Variants in KRR1 observed in about 807,000 individuals in gnomAD.
KRR1 encodes KRR1 small subunit processome component, also known as KRR1 small subunit processome component homolog.
In KRR1, 23 loss-of-function variants were observed where a neutral mutation model predicts 50.0. The observed-to-expected ratio is 0.46, with a 90% confidence interval of 0.33 to 0.65. KRR1 has a LOEUF of 0.65. Ranked by LOEUF, KRR1 falls within the 30% of genes least tolerant of loss-of-function variation. The pLI is 0.02. For missense variants in KRR1, 419 were observed against 442.4 expected (o/e 0.95, Z 0.47); for synonymous variants, 133 against 146.3 (o/e 0.91, Z 0.66).
At chr12:75,511,443 G>C (rs375116019) in intron 1 of KRR1, 70 bp downstream of exon 1, 7 of 1,355,372 alleles carry the variant, frequency 5.2e-6, no homozygotes, top group Non-Finnish European at 7.4e-6. Context: ...AAGTCCACGA[G>C]GAACGAAAGA....
intron 6 of KRR1, 73 bp from the exon 7 acceptor site, chr12:75,504,147 T>C: frequency 2.0e-6 from 2 of 1,021,216 alleles, no homozygotes; most frequent in Non-Finnish European, 2.8e-6. Flanking sequence ...ACATTATAAA[T>C]ATTGCTTCTA....
At position 75,494,664 on chromosome 12, in the gene KRR1, G is replaced by A. The variant is rs998764212; in HGVS notation, c.*5145C>T. 1 of 152,122 alleles carries A rather than the reference G, an allele frequency of 6.6e-6. No homozygotes were observed. The highest frequency in any genetic ancestry group is 2.4e-5 in the African/African-American group (1 of 41,434). The allele number at this position is 152,122 out of a possible 1,614,324, so 9.4% of individuals were successfully genotyped here. A position where few individuals can be genotyped will look rare whatever the true frequency, so the allele number is the denominator to read the frequency against. ...GCCTCACCAGACTGCCAAAGGGTAC[G>A]ATTACACAAAAAAGTTTAGAACTTT... On this transcript the variant is annotated 3_prime_UTR_variant, in exon 10 of 10. Coordinates refer to ENST00000229214, the MANE Select transcript of KRR1 (RefSeq NM_007043.7).
At chr12:75,508,702 T>C (rs949884606) in intron 1 of KRR1, among the ~76,000 whole-genome samples, 4 of 152,210 alleles carry the variant, frequency 2.6e-5, no homozygotes, top group African/African-American at 9.6e-5. Context: ...CAAAGTTCCT[T>C]AAGAGCAGAA....
In KRR1 at chr12:75,491,726, CTATT is replaced by C. The variant is rs1243066331; in HGVS notation, c.*8079_*8082del. ...ATTATAAATTTCTTCACATAATTGT[CTATT>C]TATATTCCTTTTTCTGTGAATCATG... On this transcript the variant is annotated 3_prime_UTR_variant, in exon 10 of 10. Transcript: ENST00000229214. 3 of 151,974 alleles carry C rather than the reference CTATT, an allele frequency of 2.0e-5. No homozygotes were observed. The highest frequency in any genetic ancestry group is 2.1e-4 in the South Asian group (1 of 4,824). The allele number at this position is 151,974 out of a possible 1,614,324, so 9.4% of individuals were successfully genotyped here.
intron 2 of KRR1, among the ~76,000 whole-genome samples, chr12:75,507,709 C>T (rs1406369648): frequency 1.3e-5 from 2 of 151,982 alleles, no homozygotes; most frequent in Non-Finnish European, 2.9e-5. Context: ...CACACACACA[C>T]AAACAAAGCC....
rs761266903 is a variant in KRR1, at chr12:75,493,959, T to C, written c.*5850A>G. On this transcript the variant is annotated 3_prime_UTR_variant, in exon 10 of 10. Coordinates refer to ENST00000229214, the MANE Select transcript of KRR1 (RefSeq NM_007043.7). Reference sequence around the variant, plus strand: ...ATAAATGACTTTATTAAAATCATTCTAGAACTTAAACCACTTAATACTGTG... The same window carrying C: ...ATAAATGACTTTATTAAAATCATTCCAGAACTTAAACCACTTAATACTGTG... 3 of 152,236 alleles carry C rather than the reference T, an allele frequency of 2.0e-5. No homozygotes were observed. Among genetic ancestry groups the C allele is most frequent in the Admixed American group, 6.5e-5 (1 of 15,276 alleles). The allele number at this position is 152,236 out of a possible 1,614,324, so 9.4% of individuals were successfully genotyped here. A position where few individuals can be genotyped will look rare whatever the true frequency, so the allele number is the denominator to read the frequency against.
chr12:75,499,062 C>T lies in KRR1; in HGVS notation c.*747G>A. ...TAACCAATAACAATTAGGTGTACTT[C>T]TATTTTAAAACATTTCAGAAAAAAA... On this transcript the variant is annotated 3_prime_UTR_variant, in exon 10 of 10. Coordinates refer to ENST00000229214, the MANE Select transcript of KRR1 (RefSeq NM_007043.7). The T allele has an allele frequency of 1.2e-6, 1 of 833,274 alleles. No homozygotes were observed. The allele number at this position is 833,274 out of a possible 1,614,324, so 51.6% of individuals were successfully genotyped here.
intron 1 of KRR1, among the ~76,000 whole-genome samples, chr12:75,510,400 G>C (rs1227528840): frequency 6.6e-6 from 1 of 151,926 alleles, no homozygotes; most frequent in African/African-American, 2.4e-5. Flanking sequence ...ATAGTAAAAT[G>C]AAAAAATAAA....
intron 7 of KRR1, 174 bp downstream of exon 7, chr12:75,503,730 A>G (rs972943664): frequency 9.8e-6 from 5 of 512,540 alleles, no homozygotes; most frequent in African/African-American, 9.7e-5. Flanking sequence ...ACCCCCATGC[A>G]CTCAGCTCAA....
At chr12:75,507,780 C>T (rs559901320) in intron 2 of KRR1, among the ~76,000 whole-genome samples, 1 of 151,924 alleles carries the variant, frequency 6.6e-6, no homozygotes, top group South Asian at 2.1e-4. Context: ...TCATTATAGC[C>T]ATTAAATTGA....
intron 7 of KRR1, chr12:75,502,477 C>T (rs892998998): frequency 6.5e-6 from 1 of 153,724 alleles, no homozygotes; most frequent in Admixed American, 6.5e-5. Context: ...GAATTGGTGA[C>T]TAATTAGCAA....
At position 75,498,637 on chromosome 12, in the gene KRR1, ACT is replaced by A. The variant is rs2046366748; in HGVS notation, c.*1170_*1171del. On this transcript the variant is annotated 3_prime_UTR_variant, in exon 10 of 10. Coordinates refer to ENST00000229214, the MANE Select transcript of KRR1 (RefSeq NM_007043.7). ...ATAAGACTTAGCTTTTTAAAATAAAACTCTCAACTGTGTCTACCCTTTTAATT... is the reference window on the plus strand; with the variant it reads ...ATAAGACTTAGCTTTTTAAAATAAAACTCAACTGTGTCTACCCTTTTAATT... 1.4e-6 allele frequency: 2 copies of A among 1,380,404 alleles called. No individual in the cohort carries two copies. The highest frequency in any genetic ancestry group is 2.1e-6 in the Non-Finnish European group (2 of 969,850). The allele number at this position is 1,380,404 out of a possible 1,614,324, so 85.5% of individuals were successfully genotyped here.
intron 2 of KRR1, 85 bp downstream of exon 2, chr12:75,508,189 A>T: frequency 1.0e-6 from 1 of 976,210 alleles, no homozygotes; most frequent in East Asian, 3.0e-5. Context: ...ATTAAAAAAA[A>T]AAAAAAAGCA....
At position 75,492,410 on chromosome 12, in the gene KRR1, C is replaced by G. The variant is rs1326492899; in HGVS notation, c.*7399G>C. The G allele has an allele frequency of 6.6e-6, 1 of 152,186 alleles. No individual in the cohort carries two copies. The highest frequency in any genetic ancestry group is 2.4e-5 in the African/African-American group (1 of 41,438). The allele number at this position is 152,186 out of a possible 1,614,324, so 9.4% of individuals were successfully genotyped here. ...TATGACATTTTTAATGGTTAAGATA[C>G]AATTAATTTACTGTGTGACCCTGGA... is the stretch of plus-strand genomic sequence containing the variant. On this transcript the variant is annotated 3_prime_UTR_variant, in exon 10 of 10. Transcript: ENST00000229214.
In KRR1 at chr12:75,498,692, A is replaced by G. The variant is rs751881802; in HGVS notation, c.*1117T>C. 1.2e-6 allele frequency: 2 copies of G among 1,611,884 alleles called. No individual in the cohort carries two copies. Among genetic ancestry groups the G allele is most frequent in the Non-Finnish European group, 8.5e-7 (1 of 1,178,170 alleles). On this transcript the variant is annotated 3_prime_UTR_variant, in exon 10 of 10. Transcript: ENST00000229214. Reference sequence around the variant, plus strand: ...TTTTCTTTCTTCCCCCTAACTTTACAGTTAACCGACAGCGAGACCAAGTCA... The same window carrying G: ...TTTTCTTTCTTCCCCCTAACTTTACGGTTAACCGACAGCGAGACCAAGTCA...
At chr12:75,500,800 G>C (rs1243595503) in intron 9 of KRR1, 2 of 152,042 alleles carry the variant, frequency 1.3e-5, no homozygotes, top group Non-Finnish European at 2.9e-5. Context: ...AGCACAGAGT[G>C]TTAAAGCCTC....
chr12:75,499,202 T>TAAGTA lies in KRR1; in HGVS notation c.*602_*606dup. The TAAGTA allele has an allele frequency of 2.7e-6, 1 of 367,592 alleles. No individual in the cohort carries two copies. The highest frequency in any genetic ancestry group is 4.8e-6 in the Non-Finnish European group (1 of 206,314). The allele number at this position is 367,592 out of a possible 1,614,324, so 22.8% of individuals were successfully genotyped here. A position where few individuals can be genotyped will look rare whatever the true frequency, so the allele number is the denominator to read the frequency against. The stretch of plus-strand genomic sequence containing the variant: ...CAGGTTGCCACAGGTGGACTTTTAG[T>TAAGTA]AAGTAACCTAACCCATGTTTCAGCT... On this transcript the variant is annotated 3_prime_UTR_variant, in exon 10 of 10. Coordinates refer to ENST00000229214, the MANE Select transcript of KRR1 (RefSeq NM_007043.7).
At chr12:75,505,489 T>C (rs1020782128) in intron 5 of KRR1, among the ~76,000 whole-genome samples, 3 of 152,046 alleles carry the variant, frequency 2.0e-5, no homozygotes, top group African/African-American at 7.2e-5. Flanking sequence ...AGAGAACTAA[T>C]ACAACACTCT....
At position 75,499,744 on chromosome 12, in the gene KRR1, T is replaced by A; in HGVS notation, c.*65A>T. 7.9e-7 allele frequency: 1 copy of A among 1,264,288 alleles called. No homozygotes were observed. The highest frequency in any genetic ancestry group is 1.1e-6 in the Non-Finnish European group (1 of 931,972). 78.3% of individuals were successfully genotyped at this position (1,264,288 alleles called of 1,614,324 possible). A position where few individuals can be genotyped will look rare whatever the true frequency, so the allele number is the denominator to read the frequency against. ...GAAAATTTCTCACAAATAAGGCAAC[T>A]AATGCCTGATATCTCAAAATCCTTT... is the stretch of plus-strand genomic sequence containing the variant. On this transcript the variant is annotated 3_prime_UTR_variant, in exon 10 of 10. Transcript: ENST00000229214.
Sources: allele counts gnomAD v4.1 joint callset (sites outside exome capture counted in the v4.1 genomes callset), GRCh38; gene constraint gnomAD v4.1.1; transcripts MANE v1.5; gene names NCBI Gene and HGNC (gene_info 2026-07-23, HGNC 2026-07-21).